The following TAFA1 variants were observed in gnomAD, a reference collection of about 807,000 sequenced individuals.
The protein encoded by TAFA1 is chemokine-like protein TAFA-1.
TAFA1 carries 4 observed loss-of-function variants against 18.5 expected under a neutral mutation model. The ratio of observed to expected loss-of-function variants is 0.22; its 90% confidence interval spans 0.11 to 0.49. The LOEUF is 0.49. Among genes scored for constraint, TAFA1 ranks in the 20% least tolerant of loss-of-function variants. TAFA1 has a pLI of 0.98. For missense variants in TAFA1, 147 were observed against 169.0 expected, an observed-to-expected ratio of 0.87 and a Z score of 0.72; for synonymous variants, 56 against 55.2, an observed-to-expected ratio of 1.01 and a Z score of -0.06.
rs139717478 is a variant in TAFA1 at position 68,024,515 on chromosome 3, TTTC to T, written c.118+17774_118+17776del. 9.9e-3 allele frequency among the ~76,000 whole-genome samples: 1,504 copies of T among 152,254 alleles called. 22 individuals carry two copies. Among genetic ancestry groups the T allele is most frequent in the African/African-American group, 0.035 (1,450 of 41,538 alleles). ...AAGCGCTGTTATTTAATAAACAGTC[TTTC>T]TTATTAGCTAAAATATTTGCCTTGA... On this transcript the variant is annotated intron_variant, in intron 2 of 4. Transcript: ENST00000478136.
chr3:68,410,259 T>C (rs1415771769), intron 2 of TAFA1, among the ~76,000 whole-genome samples: 3 of 152,020 alleles, frequency 2.0e-5, no homozygotes, highest in Non-Finnish European at 1.5e-5. Context: ...CCCATGGAGT[T>C]TTTTTTTGCA....
At chr3:68,339,821 G>A (rs1375191108) in intron 2 of TAFA1, among the ~76,000 whole-genome samples, 4 of 152,138 alleles carry the variant, frequency 2.6e-5, no homozygotes, top group African/African-American at 9.7e-5. Flanking sequence ...TAAAAGAGAG[G>A]GGTGGAGGGG....
intron 2 of TAFA1, among the ~76,000 whole-genome samples, chr3:68,276,792 T>C (rs1329215448): frequency 6.6e-6 from 1 of 152,134 alleles, no homozygotes; most frequent in African/African-American, 2.4e-5. Flanking sequence ...ATTTTTAAAA[T>C]AGTTTGTGGA....
At chr3:68,134,067 GA>G (rs10593198) in intron 2 of TAFA1, among the ~76,000 whole-genome samples, 12,122 of 97,294 alleles carry the variant, frequency 0.12, 1,055 homozygotes, top group African/African-American at 0.3. Context: ...ATGACAACTG[GA>G]AAAAAAAAAA....
chr3:68,313,812 T>C (rs1345147666), intron 2 of TAFA1, among the ~76,000 whole-genome samples: 1 of 152,222 alleles, frequency 6.6e-6, no homozygotes, highest in Non-Finnish European at 1.5e-5. Context: ...CTGATGGCCC[T>C]TGCCTCACTC....
intron 2 of TAFA1, among the ~76,000 whole-genome samples, chr3:68,358,989 C>T (rs1228508365): frequency 6.6e-6 from 1 of 151,934 alleles, no homozygotes; most frequent in Non-Finnish European, 1.5e-5. Context: ...GCCAATCTGC[C>T]ACTTTTTGTC....
intron 3 of TAFA1, among the ~76,000 whole-genome samples, chr3:68,505,878 C>A (rs1468114254): frequency 1.5e-5 from 1 of 67,136 alleles, no homozygotes; most frequent in Non-Finnish European, 3.0e-5. Flanking sequence ...GTGCCATATT[C>A]TATTTCTTTT....
intron 2 of TAFA1, among the ~76,000 whole-genome samples, chr3:68,332,086 A>G (rs2068886554): frequency 6.6e-6 from 1 of 151,440 alleles, no homozygotes; most frequent in Non-Finnish European, 1.5e-5. Context: ...GATGGTCTCG[A>G]TCTCCTGACC....
chr3:68,083,794 A>AT (rs201006209), intron 2 of TAFA1, among the ~76,000 whole-genome samples: 5 of 149,022 alleles, frequency 3.4e-5, no homozygotes, highest in African/African-American at 5.0e-5. Context: ...CAGCCTTGAT[A>AT]TTTTTTTTTT....
chr3:68,166,906 A>G (rs567592555), intron 2 of TAFA1, among the ~76,000 whole-genome samples: 2 of 152,272 alleles, frequency 1.3e-5, no homozygotes, highest in Middle Eastern at 3.4e-3. Context: ...CATGCAGTAA[A>G]TATCTTCTGA....
chr3:68,209,484 T>C (rs76645279), intron 2 of TAFA1, among the ~76,000 whole-genome samples: 2,591 of 152,184 alleles, frequency 0.017, 68 homozygotes, highest in African/African-American at 0.058. Context: ...GTGATTCTTG[T>C]AGACAATTAA....
intron 2 of TAFA1, among the ~76,000 whole-genome samples, chr3:68,195,787 T>A (rs1391004049): frequency 6.6e-6 from 1 of 151,656 alleles, no homozygotes; most frequent in Non-Finnish European, 1.5e-5. Context: ...ATATAATATT[T>A]TCTTTTTTCT....
chr3:68,388,752 A>G (rs540193378), intron 2 of TAFA1, among the ~76,000 whole-genome samples: 1 of 151,968 alleles, frequency 6.6e-6, no homozygotes, highest in South Asian at 2.1e-4. Flanking sequence ...TTTTTAAATA[A>G]TTTATGGCCA....
chr3:68,380,328 C>G (rs1311292822), intron 2 of TAFA1, among the ~76,000 whole-genome samples: 1 of 152,168 alleles, frequency 6.6e-6, no homozygotes, highest in South Asian at 2.1e-4. Flanking sequence ...TTCTAGATCC[C>G]TGAGGAATTG....
chr3:68,053,971 C>G (rs996126126), intron 2 of TAFA1, among the ~76,000 whole-genome samples: 2 of 152,120 alleles, frequency 1.3e-5, no homozygotes, highest in Non-Finnish European at 2.9e-5. Flanking sequence ...TCTCAAAGCA[C>G]TGGGATTACA....
intron 2 of TAFA1, among the ~76,000 whole-genome samples, chr3:68,065,716 A>G (rs1244201521): frequency 7.7e-6 from 1 of 130,120 alleles, no homozygotes; most frequent in Admixed American, 8.6e-5. Context: ...GTATACATAG[A>G]TGTTTGTGTG....
At chr3:68,297,459 C>T (rs533906180) in intron 2 of TAFA1, among the ~76,000 whole-genome samples, 23 of 152,260 alleles carry the variant, frequency 1.5e-4, no homozygotes, top group African/African-American at 5.1e-4. Context: ...ACAGCTACCC[C>T]CAACCCCAAT....
At chr3:68,469,040 C>T (rs2071942171) in intron 3 of TAFA1, among the ~76,000 whole-genome samples, 1 of 152,040 alleles carries the variant, frequency 6.6e-6, no homozygotes, top group Non-Finnish European at 1.5e-5. Context: ...CAAACTGAAG[C>T]ACCTTTCCAA....
At chr3:68,537,212 GA>G (rs1026577662) in intron 3 of TAFA1, among the ~76,000 whole-genome samples, 4 of 152,224 alleles carry the variant, frequency 2.6e-5, no homozygotes, top group African/African-American at 9.6e-5. Context: ...AGGGGGCAAA[GA>G]AAAACTCCTT....
Sources: allele counts gnomAD v4.1 joint callset (sites outside exome capture counted in the v4.1 genomes callset), GRCh38; gene constraint gnomAD v4.1.1; transcripts MANE v1.5; gene names NCBI Gene and HGNC (gene_info 2026-07-23, HGNC 2026-07-21).